ARHGAP20: variants seen among roughly 807,000 people sequenced by gnomAD.
The protein encoded by ARHGAP20 is Rho GTPase activating protein 20, also known as rho GTPase-activating protein 20.
In ARHGAP20, 34 loss-of-function variants were observed where a neutral mutation model predicts 73.7. The ratio of observed to expected loss-of-function variants is 0.46; its 90% CI spans 0.35 to 0.61. The LOEUF (loss-of-function observed/expected upper bound fraction) is 0.61. Ranked by LOEUF, ARHGAP20 falls within the 20% of genes least tolerant of loss-of-function variation. The pLI is 0.00. For missense variants in ARHGAP20, 1,314 were observed against 1,420.9 expected (o/e 0.92, Z 1.21); for synonymous variants, 523 against 518.2 (o/e 1.01, Z -0.13).
intron 2 of ARHGAP20, among the ~76,000 whole-genome samples, chr11:110,667,164 A>G (rs558087724): frequency 6.6e-6 from 1 of 152,370 alleles, no homozygotes; most frequent in East Asian, 1.9e-4. Context: ...CCAAATTTTA[A>G]TGTAGATGAA....
chr11:110,711,567 A>G, intron 1 of ARHGAP20: 1 of 1,439,212 alleles, frequency 6.9e-7, no homozygotes, highest in South Asian at 1.4e-5. Context: ...TACTCCCCAT[A>G]TCTGCCCCCC....
intron 2 of ARHGAP20, among the ~76,000 whole-genome samples, chr11:110,656,882 G>A (rs1949479473): frequency 6.6e-6 from 1 of 152,172 alleles, no homozygotes; most frequent in Non-Finnish European, 1.5e-5. Context: ...CATACTTGGT[G>A]CCTTTAAGAA....
intron 2 of ARHGAP20, among the ~76,000 whole-genome samples, chr11:110,641,069 G>C (rs1187624452): frequency 6.6e-6 from 1 of 151,990 alleles, no homozygotes; most frequent in East Asian, 1.9e-4. Flanking sequence ...GTGAGCAAGG[G>C]CTTAAAAGCA....
intron 2 of ARHGAP20, among the ~76,000 whole-genome samples, chr11:110,639,667 G>A (rs758108333): frequency 2.6e-5 from 4 of 151,792 alleles, no homozygotes; most frequent in Non-Finnish European, 5.9e-5. Flanking sequence ...TGCCTATTTC[G>A]GGTATTTCAC....
chr11:110,620,835 G>A (rs1210298206), intron 4 of ARHGAP20, among the ~76,000 whole-genome samples: 1 of 152,090 alleles, frequency 6.6e-6, no homozygotes, highest in Non-Finnish European at 1.5e-5. Flanking sequence ...ACTTTGGGAG[G>A]CTGAGGCAGG....
chr11:110,675,645 G>A (rs1949915110), intron 2 of ARHGAP20, among the ~76,000 whole-genome samples: 1 of 152,118 alleles, frequency 6.6e-6, no homozygotes, highest in Admixed American at 6.5e-5. Context: ...GAATCTAGGT[G>A]GTAGGTAATA....
chr11:110,698,013 T>C (rs1468525960), intron 1 of ARHGAP20, among the ~76,000 whole-genome samples: 2 of 151,716 alleles, frequency 1.3e-5, no homozygotes, highest in East Asian at 1.9e-4. Flanking sequence ...TTGCCTTGAA[T>C]AGTATGGGCA....
At chr11:110,675,585 A>T (rs991480232) in intron 2 of ARHGAP20, among the ~76,000 whole-genome samples, 1 of 152,062 alleles carries the variant, frequency 6.6e-6, no homozygotes, top group Admixed American at 6.6e-5. Context: ...GGTGCACACA[A>T]CCTAGCTCCT....
At chr11:110,690,478 GA>G in intron 2 of ARHGAP20, 68 bp downstream of exon 2, 4 of 1,436,550 alleles carry the variant, frequency 2.8e-6, no homozygotes, top group South Asian at 2.3e-5. Context: ...TATGTGATCT[GA>G]AAAACTCTTC....
In ARHGAP20 at chr11:110,586,218, T is replaced by TC; in HGVS notation, c.1412_1413insG (p.Arg472LysfsTer25). Reference sequence around the variant, plus strand: ...CATGACCAAATTAGAATAATTACCTTTGAACAGTATTTATTTTCTCTTCAT... The same window carrying TC: ...CATGACCAAATTAGAATAATTACCTTCTGAACAGTATTTATTTTCTCTTCAT... On this transcript the variant is annotated frameshift_variant, in exon 12 of 15. Coordinates refer to ENST00000683387, the MANE Select transcript of ARHGAP20 (RefSeq NM_001384657.1). LOFTEE classifies it high-confidence loss of function. 6.8e-7 allele frequency: 1 copy of TC among 1,466,894 alleles called. No homozygotes were observed. The highest frequency in any genetic ancestry group is 9.1e-7 in the Non-Finnish European group (1 of 1,093,840). The allele number at this position is 1,466,894 out of a possible 1,614,324, so 90.9% of individuals were successfully genotyped here. A position where few individuals can be genotyped will look rare whatever the true frequency, so the allele number is the denominator to read the frequency against.
intron 2 of ARHGAP20, among the ~76,000 whole-genome samples, chr11:110,655,247 G>A (rs767942832): frequency 6.6e-6 from 1 of 151,752 alleles, no homozygotes; most frequent in East Asian, 1.9e-4. Context: ...TGAGACACAT[G>A]AAATAATCAG....
At chr11:110,638,203 A>C (rs971738174) in intron 2 of ARHGAP20, among the ~76,000 whole-genome samples, 7 of 152,108 alleles carry the variant, frequency 4.6e-5, no homozygotes, top group African/African-American at 1.7e-4. Context: ...TGTTTCATGA[A>C]CAAAATTATA....
At chr11:110,652,487 C>T (rs1159044613) in intron 2 of ARHGAP20, among the ~76,000 whole-genome samples, 1 of 152,106 alleles carries the variant, frequency 6.6e-6, no homozygotes, top group East Asian at 1.9e-4. Flanking sequence ...TGAAAACCTC[C>T]TTCGTCTCAG....
At chr11:110,585,697 G>A (rs1475118687) in intron 12 of ARHGAP20, among the ~76,000 whole-genome samples, 1 of 152,096 alleles carries the variant, frequency 6.6e-6, no homozygotes, top group African/African-American at 2.4e-5. Flanking sequence ...GTGATCAGAC[G>A]TCCTTTGCAA....
At position 110,699,655 on chromosome 11, in the gene ARHGAP20, AT is replaced by A. The variant is rs553710353; in HGVS notation, c.106-9027del. On this transcript the variant is annotated intron_variant, in intron 1 of 14. Transcript: ENST00000683387. ...AACATTTAATTATTATATAATGCTC[AT>A]TTGTCTTTTCTATTGTTGGTTTAAA... Among the ~76,000 whole-genome samples, 188 of 151,992 alleles carry A rather than the reference AT, an allele frequency of 1.2e-3. 1 individual carries two copies. Among genetic ancestry groups the A allele is most frequent in the Non-Finnish European group, 2.3e-3 (153 of 67,872 alleles).
chr11:110,625,445 A>C (rs1056160736), intron 3 of ARHGAP20, among the ~76,000 whole-genome samples: 4 of 152,352 alleles, frequency 2.6e-5, no homozygotes, highest in African/African-American at 7.2e-5. Context: ...AGTGGCTACA[A>C]GATTTTCTAG....
At position 110,577,824 on chromosome 11, in the gene ARHGAP20, A is replaced by C; in HGVS notation, c.*1546T>G. On this transcript the variant is annotated 3_prime_UTR_variant, in exon 15 of 15. Coordinates refer to ENST00000683387, the MANE Select transcript of ARHGAP20 (RefSeq NM_001384657.1). ...AGCTAATACTGAAATAACTTCTTCT[A>C]TCTTAGAGAAAATATTTTTTCCCCT... The C allele has an allele frequency of 1.0e-6, 1 of 985,742 alleles. No individual in the cohort carries two copies. The highest frequency in any genetic ancestry group is 1.2e-6 in the Non-Finnish European group (1 of 829,814). 61.1% of individuals were successfully genotyped at this position (985,742 alleles called of 1,614,324 possible). A position where few individuals can be genotyped will look rare whatever the true frequency, so the allele number is the denominator to read the frequency against.
chr11:110,692,230 ATTT>A (rs1461194942), intron 1 of ARHGAP20, among the ~76,000 whole-genome samples: 1 of 152,148 alleles, frequency 6.6e-6, no homozygotes, highest in African/African-American at 2.4e-5. Flanking sequence ...GGAGATAAGC[ATTT>A]GTATTGCAAG....
At position 110,579,456 on chromosome 11, in the gene ARHGAP20, A is replaced by T. The variant is rs936433971; in HGVS notation, c.3490T>A (p.Trp1164Arg). Reference sequence around the variant, plus strand: ...GGGCTGGTCGCATCCTCTAGAGTCCAAGAGCTGGCTGAGGCTCTTTCCCAA... The same window carrying T: ...GGGCTGGTCGCATCCTCTAGAGTCCTAGAGCTGGCTGAGGCTCTTTCCCAA... ...LPWERASASS[W>R]TLEDATSPDS... Residue 1164 changes from tryptophan to arginine, a missense_variant, in exon 15 of 15, where the codon TGG (tryptophan) becomes AGG (arginine). By Grantham distance (101) the Trp-to-Arg change is moderately radical (BLOSUM62 -3). Around this residue, in one of 3 missense-constraint regions of ARHGAP20, gnomAD observed 641 missense variants for 636.9 expected, o/e 1.01. Transcript: ENST00000683387. 6 of 1,614,166 alleles carry T rather than the reference A, an allele frequency of 3.7e-6. No individual in the cohort carries two copies. Among genetic ancestry groups the T allele is most frequent in the South Asian group, 1.1e-5 (1 of 91,068 alleles).
Sources: allele counts gnomAD v4.1 joint callset (sites outside exome capture counted in the v4.1 genomes callset), GRCh38; gene constraint gnomAD v4.1.1; regional missense constraint gnomAD v4.1.1; transcripts MANE v1.5; gene names NCBI Gene and HGNC (gene_info 2026-07-23, HGNC 2026-07-21).